BCL9: variants seen among roughly 807,000 people sequenced by gnomAD.
BCL9 encodes the protein B-cell CLL/lymphoma 9 protein.
In BCL9, 25 loss-of-function variants were observed where a neutral mutation model predicts 88.5. That is an observed-to-expected ratio of 0.28 (90% confidence interval 0.21 to 0.39). The LOEUF (loss-of-function observed/expected upper bound fraction) is 0.39. BCL9 is among the 10% of genes least tolerant of loss of function. The probability of loss-of-function intolerance (pLI) is 1.00; values close to 1 mark genes in which losing one functional copy is unlikely to be tolerated. For missense variants in BCL9, 1,817 were observed against 1,877.8 expected (o/e 0.97, Z 0.60); for synonymous variants, 711 against 673.3 (o/e 1.06, Z -0.87).
At position 147,611,780 on chromosome 1, in the gene BCL9, C is replaced by T. The variant is rs375206787; in HGVS notation, c.-57C>T. On this transcript the variant is annotated 5_prime_UTR_variant, in exon 4 of 10. Coordinates refer to ENST00000234739, the MANE Select transcript of BCL9 (RefSeq NM_004326.4). Reference sequence around the variant, plus strand: ...CCCAGCAGCTGTTTCTGCTGCAACCCGAGAGGAACTCGGTGAGCCTGTCCC... The same window carrying T: ...CCCAGCAGCTGTTTCTGCTGCAACCTGAGAGGAACTCGGTGAGCCTGTCCC... 8.2e-5 allele frequency: 129 copies of T among 1,568,694 alleles called. No homozygotes were observed. Among genetic ancestry groups the T allele is most frequent in the Admixed American group, 1.2e-4 (7 of 59,890 alleles).
chr1:147,556,100 A>G (rs1177076537), intron 1 of BCL9, among the ~76,000 whole-genome samples: 5 of 151,988 alleles, frequency 3.3e-5, no homozygotes, highest in African/African-American at 1.2e-4. Context: ...ACATCTTTAC[A>G]ATTATTTATT....
intron 1 of BCL9, among the ~76,000 whole-genome samples, chr1:147,575,799 AAGCCC>A (rs1656082676): frequency 6.6e-6 from 1 of 152,152 alleles, no homozygotes; most frequent in African/African-American, 2.4e-5. Flanking sequence ...TGAATTTAAT[AAGCCC>A]AAGAGAATTA....
At chr1:147,562,197 G>A (rs587770199) in intron 1 of BCL9, among the ~76,000 whole-genome samples, 26 of 152,246 alleles carry the variant, frequency 1.7e-4, no homozygotes, top group African/African-American at 5.5e-4. Flanking sequence ...GAGTGGTGGC[G>A]CATGCCTGTA....
chr1:147,543,704 T>A (rs782026770), intron 1 of BCL9, among the ~76,000 whole-genome samples: 1 of 152,126 alleles, frequency 6.6e-6, no homozygotes, highest in Non-Finnish European at 1.5e-5. Flanking sequence ...TATTCCATCA[T>A]GTTATAGATG....
intron 1 of BCL9, among the ~76,000 whole-genome samples, chr1:147,557,884 A>G (rs1402628539): frequency 2.6e-5 from 4 of 152,200 alleles, no homozygotes; most frequent in Non-Finnish European, 5.9e-5. Flanking sequence ...AGGAAGGATG[A>G]AATTAACATT....
In BCL9 at chr1:147,596,187, T is replaced by G. The variant is rs977279081; in HGVS notation, c.-477-8590T>G. On this transcript the variant is annotated intron_variant, in intron 1 of 9. Coordinates refer to ENST00000234739, the MANE Select transcript of BCL9 (RefSeq NM_004326.4). Reference sequence around the variant, plus strand: ...GCAGGAGGAAAGGAGGTGGGAAAATTGATTTCCACCTAACGAAGGAGACAA... The same window carrying G: ...GCAGGAGGAAAGGAGGTGGGAAAATGGATTTCCACCTAACGAAGGAGACAA... Among the ~76,000 whole-genome samples, 5 of 152,110 alleles carry G rather than the reference T, an allele frequency of 3.3e-5. No individual in the cohort carries two copies. In the South Asian group the frequency reaches 1.0e-3, roughly 32 times the overall value.
At chr1:147,545,212 A>T (rs987001883) in intron 1 of BCL9, among the ~76,000 whole-genome samples, 2 of 152,184 alleles carry the variant, frequency 1.3e-5, no homozygotes, top group Non-Finnish European at 2.9e-5. Context: ...TTGTAGCAAC[A>T]ACCTAAACCG....
chr1:147,560,243 C>G (rs1553195935), intron 1 of BCL9, among the ~76,000 whole-genome samples: 1 of 152,086 alleles, frequency 6.6e-6, no homozygotes, highest in Non-Finnish European at 1.5e-5. Flanking sequence ...AGGGACTGAT[C>G]TTTGGTGGAT....
chr1:147,552,541 G>A (rs1249699451), intron 1 of BCL9, among the ~76,000 whole-genome samples: 3 of 152,198 alleles, frequency 2.0e-5, no homozygotes, highest in Non-Finnish European at 4.4e-5. Context: ...AGGAGGCAGA[G>A]GTTGCAGTGA....
intron 1 of BCL9, among the ~76,000 whole-genome samples, chr1:147,586,167 G>A (rs1161031234): frequency 6.6e-6 from 1 of 152,080 alleles, no homozygotes; most frequent in Non-Finnish European, 1.5e-5. Context: ...CCACAGCCCA[G>A]CTTAGCTCCC....
At chr1:147,542,692 G>A (rs369330721) in intron 1 of BCL9, among the ~76,000 whole-genome samples, 1 of 138,398 alleles carries the variant, frequency 7.2e-6, no homozygotes, top group Non-Finnish European at 1.6e-5. Context: ...GTGTCTTTTC[G>A]TTAGATTTAT....
chr1:147,593,795 T>G (rs1167599447), intron 1 of BCL9, among the ~76,000 whole-genome samples: 1 of 152,180 alleles, frequency 6.6e-6, no homozygotes, highest in Non-Finnish European at 1.5e-5. Flanking sequence ...CAATAAATAT[T>G]GCAATGAATA....
rs918637766 is a variant in BCL9, at chr1:147,622,426, A to G, written c.3058A>G (p.Ser1020Gly). 2 of 1,614,172 alleles carry G rather than the reference A, an allele frequency of 1.2e-6. No individual in the cohort carries two copies. The highest frequency in any genetic ancestry group is 1.7e-6 in the Non-Finnish European group (2 of 1,180,032). ...MSRMSKFAMP[S>G]STPLYHDAIK... ...TCGAATGTCCAAGTTTGCAATGCCC[A>G]GTTCCACCCCGTTATACCATGATGC... Residue 1020 changes from serine (S) to glycine (G), a missense_variant, in exon 9 of 10, where the codon AGT becomes GGT. By Grantham distance (56) the Ser-to-Gly change is moderately conservative. Around this residue, in one of 2 missense-constraint regions of BCL9, gnomAD observed 589 missense variants for 686.2 expected, o/e 0.86. Transcript: ENST00000234739.
intron 1 of BCL9, among the ~76,000 whole-genome samples, chr1:147,604,463 G>C (rs1443891372): frequency 6.6e-6 from 1 of 152,192 alleles, no homozygotes; most frequent in East Asian, 1.9e-4. Flanking sequence ...GTTTTTGATG[G>C]TGGAAAATGT....
intron 1 of BCL9, among the ~76,000 whole-genome samples, chr1:147,547,012 A>G (rs1553194326): frequency 1.9e-5 from 2 of 103,572 alleles, no homozygotes; most frequent in Admixed American, 9.6e-5. Flanking sequence ...GTTTTTTTTT[A>G]TATTGTGCTC....
rs1658605999 is a variant in BCL9, at chr1:147,620,976, C to T, written c.2821C>T (p.Leu941Phe). Residue 941 changes from leucine to phenylalanine, a missense_variant, in exon 8 of 10, where the codon CTT becomes TTT. Leu to Phe is a conservative substitution (Grantham distance 22, BLOSUM62 0). Coordinates refer to ENST00000234739, the MANE Select transcript of BCL9 (RefSeq NM_004326.4). Reference protein sequence around the residue: ...PGWTSSPKPPLQSPGIPPNHK... With the variant: ...PGWTSSPKPPFQSPGIPPNHK... ...ATGGACCTCTTCTCCAAAACCTCCC[C>T]TTCAGAGTCCTGGGATCCCTCCAAA... The T allele has an allele frequency of 1.2e-6, 2 of 1,614,212 alleles. No individual in the cohort carries two copies. The highest frequency in any genetic ancestry group is 1.1e-5 in the South Asian group (1 of 91,086).
At chr1:147,562,654 GA>G (rs2101504268) in intron 1 of BCL9, among the ~76,000 whole-genome samples, 1 of 152,276 alleles carries the variant, frequency 6.6e-6, no homozygotes, top group African/African-American at 2.4e-5. Context: ...TGGGATTTGG[GA>G]ATAGACTGAA....
At chr1:147,555,113 T>C (rs926845273) in intron 1 of BCL9, among the ~76,000 whole-genome samples, 5 of 152,150 alleles carry the variant, frequency 3.3e-5, no homozygotes, top group Non-Finnish European at 5.9e-5. Flanking sequence ...AGCAGCCCCT[T>C]GAGGTGGGTA....
intron 1 of BCL9, among the ~76,000 whole-genome samples, chr1:147,583,106 G>A (rs1285456539): frequency 6.6e-6 from 1 of 152,058 alleles, no homozygotes; most frequent in African/African-American, 2.4e-5. Context: ...CACATTCTGT[G>A]TATATGAAAT....
Sources: allele counts gnomAD v4.1 joint callset (sites outside exome capture counted in the v4.1 genomes callset), GRCh38; gene constraint gnomAD v4.1.1; regional missense constraint gnomAD v4.1.1; transcripts MANE v1.5; gene names NCBI Gene and HGNC (gene_info 2026-07-23, HGNC 2026-07-21).